PROS1: variants seen among roughly 807,000 people sequenced by gnomAD.
PROS1 encodes the protein vitamin K-dependent protein S.
A neutral mutation model predicts 75.9 loss-of-function variants in PROS1; 29 were observed. The ratio of observed to expected loss-of-function variants is 0.38; its 90% CI spans 0.28 to 0.52. The LOEUF is 0.52. PROS1 is among the 20% of genes least tolerant of loss of function. The pLI, the probability that PROS1 is intolerant of heterozygous loss-of-function variation, is 0.83. For missense variants in PROS1, 680 were observed against 810.3 expected (o/e 0.84, Z 1.95); for synonymous variants, 245 against 280.6 (o/e 0.87, Z 1.27).
At chr3:93,897,933 A>G (rs150029105) in intron 8 of PROS1, among the ~76,000 whole-genome samples, 27 of 152,232 alleles carry the variant, frequency 1.8e-4, no homozygotes, top group Non-Finnish European at 3.4e-4. Flanking sequence ...GAATTATGAT[A>G]TACTTAAACC....
intron 1 of PROS1, among the ~76,000 whole-genome samples, chr3:93,943,117 A>G (rs912058050): frequency 1.3e-5 from 2 of 152,170 alleles, no homozygotes; most frequent in African/African-American, 4.8e-5. Flanking sequence ...AAATCACCCA[A>G]GCAGTTTCTC....
At chr3:93,917,539 C>T (rs1708875263) in intron 3 of PROS1, among the ~76,000 whole-genome samples, 1 of 152,232 alleles carries the variant, frequency 6.6e-6, no homozygotes, top group Non-Finnish European at 1.5e-5. Flanking sequence ...TTCAGCCCAC[C>T]ACTGCACTGT....
rs1709249380 is a variant in PROS1 at position 93,939,620 on chromosome 3, G to A, written c.77-12213C>T. Among the ~76,000 whole-genome samples the A allele has an allele frequency of 2.0e-5, 3 of 152,194 alleles. No individual in the cohort carries two copies. The South Asian group carries it at 6.2e-4, about 32-fold the overall frequency. Reference sequence around the variant, plus strand: ...TCTTAAAGAGGTGGCTGGAGCTAAAGGCATAGTCAAGGTTAATGCTCCTTT... The same window carrying A: ...TCTTAAAGAGGTGGCTGGAGCTAAAAGCATAGTCAAGGTTAATGCTCCTTT... On this transcript the variant is annotated intron_variant, in intron 1 of 14. Coordinates refer to ENST00000394236, the MANE Select transcript of PROS1 (RefSeq NM_000313.4).
At chr3:93,894,076 T>C (rs545278148) in intron 9 of PROS1, among the ~76,000 whole-genome samples, 1 of 152,274 alleles carries the variant, frequency 6.6e-6, no homozygotes, top group South Asian at 2.1e-4. Flanking sequence ...GTATAACTAT[T>C]AGTCACCTAA....
intron 4 of PROS1, among the ~76,000 whole-genome samples, chr3:93,908,937 C>T (rs1312717168): frequency 2.0e-5 from 3 of 152,150 alleles, no homozygotes; most frequent in Non-Finnish European, 4.4e-5. Context: ...TGTTCTGCTT[C>T]CTGTTCTCCA....
At chr3:93,933,987 C>T (rs372681434) in intron 1 of PROS1, among the ~76,000 whole-genome samples, 51 of 134,582 alleles carry the variant, frequency 3.8e-4, no homozygotes, top group South Asian at 5.0e-4. Context: ...CCAGCCTGGG[C>T]GACAGAAAGA....
In PROS1 at chr3:93,900,926, A is replaced by T. The variant is rs1291042167; in HGVS notation, c.605T>A (p.Val202Glu). 12 of 1,613,744 alleles carry T rather than the reference A, an allele frequency of 7.4e-6. No homozygotes were observed. Among genetic ancestry groups the T allele is most frequent in the Non-Finnish European group, 9.3e-6 (11 of 1,179,910 alleles). Residue 202 changes from valine (V) to glutamate (E), a missense_variant, in exon 7 of 15, where the codon GTG becomes GAG. Physicochemically the swap from Val to Glu is moderately radical, Grantham distance 121 (BLOSUM62 -2). Coordinates refer to ENST00000394236, the MANE Select transcript of PROS1 (RefSeq NM_000313.4). ...MLSNKKDCKD[V>E]DECSLKPSIC... ...GCTTGGCTTCAAAGAGCATTCATCCACATCTATAAATAAAATCACTATATT... is the reference window on the plus strand; with the variant it reads ...GCTTGGCTTCAAAGAGCATTCATCCTCATCTATAAATAAAATCACTATATT...
chr3:93,941,333 A>G (rs1709284158), intron 1 of PROS1, among the ~76,000 whole-genome samples: 1 of 151,978 alleles, frequency 6.6e-6, no homozygotes, highest in Admixed American at 6.6e-5. Context: ...TTCTCCATCC[A>G]TTACCTAACT....
At chr3:93,879,343 A>G in intron 12 of PROS1, 29 bp from the exon 13 acceptor site, 2 of 1,610,842 alleles carry the variant, frequency 1.2e-6, no homozygotes, top group Non-Finnish European at 1.7e-6. Context: ...CAGAAGCATG[A>G]TCAATGCACT....
Position 93,912,716 on chromosome 3 carries a change from C to T in PROS1, c.260-2011G>A, listed in dbSNP as rs13097875. On this transcript the variant is annotated intron_variant, in intron 3 of 14. Transcript: ENST00000394236. ...GTCTCATGAAGGCCCTCTTGCTACA[C>T]CATCCCACAGCAGATGGCAAAAGAG... Among the ~76,000 whole-genome samples, 953 of 152,244 alleles carry T rather than the reference C, an allele frequency of 6.3e-3. 4 individuals carry two copies. Among genetic ancestry groups the T allele is most frequent in the Middle Eastern group, 0.017 (5 of 294 alleles).
chr3:93,905,709 T>G (rs540130249), intron 6 of PROS1, 75 bp downstream of exon 6: 2 of 1,528,120 alleles, frequency 1.3e-6, no homozygotes, highest in South Asian at 2.3e-5. Flanking sequence ...TTCCAAAAAT[T>G]TGCTAGTAAA....
chr3:93,967,218 C>T (rs1159486173), intron 1 of PROS1, among the ~76,000 whole-genome samples: 1 of 152,178 alleles, frequency 6.6e-6, no homozygotes, highest in East Asian at 1.9e-4. Context: ...TTGAACATAT[C>T]ACATAGTTCA....
At chr3:93,948,505 G>T (rs1241717914) in intron 1 of PROS1, among the ~76,000 whole-genome samples, 4 of 152,208 alleles carry the variant, frequency 2.6e-5, no homozygotes, top group African/African-American at 9.6e-5. Flanking sequence ...GTTGACAATG[G>T]GGTGTTAAAG....
intron 3 of PROS1, 57 bp from the exon 4 acceptor site, chr3:93,910,762 T>C (rs976075662): frequency 5.0e-6 from 7 of 1,411,466 alleles, no homozygotes; most frequent in South Asian, 4.8e-5. Context: ...TTGATCTGAA[T>C]TCATGGTAGG....
chr3:93,874,313 T>C lies in PROS1; in HGVS notation c.1963A>G (p.Ile655Val), dbSNP rs1488943296. The C allele has an allele frequency of 6.2e-7, 1 of 1,613,498 alleles. No homozygotes were observed. The highest frequency in any genetic ancestry group is 1.1e-5 in the South Asian group (1 of 91,066). The change falls in exon 15 of 15, where the codon ATT becomes GTT. Residue 655 changes from isoleucine to valine, a missense_variant. Transcript: ENST00000394236. ...GCTCTAATATCATTATGTTTAGAAA[T>C]GGCTTCATCCAGATCCAACTGTACA... ...NGVQLDLDEA[I>V]SKHNDIRAHS...
At chr3:93,886,269 C>T in intron 11 of PROS1, 67 bp downstream of exon 11, 1 of 1,399,628 alleles carries the variant, frequency 7.1e-7, no homozygotes, top group Non-Finnish European at 1.0e-6. Context: ...CAGAAACACA[C>T]ATATTCAAAT....
At chr3:93,895,199 G>C (rs1292659722) in intron 9 of PROS1, among the ~76,000 whole-genome samples, 4 of 152,108 alleles carry the variant, frequency 2.6e-5, no homozygotes, top group African/African-American at 4.8e-5. Flanking sequence ...TATTGTCATT[G>C]TGTTTTTTTC....
At position 93,879,269 on chromosome 3, in the gene PROS1, T is replaced by C; in HGVS notation, c.1538A>G (p.Asn513Ser). The change falls in exon 13 of 15, where the codon AAT becomes AGT. Residue 513 changes from asparagine (N) to serine (S), a missense_variant. Asn to Ser is a conservative substitution (Grantham distance 46). Transcript: ENST00000394236. ...ACCAGTGCCCGTGGATGGACGAATATTCAAGGTCACATTTACATGCCAACC... is the reference window on the plus strand; with the variant it reads ...ACCAGTGCCCGTGGATGGACGAATACTCAAGGTCACATTTACATGCCAACC... ...AEGWHVNVTL[N>S]IRPSTGTGVM... 1 of 1,614,052 alleles carries C rather than the reference T, an allele frequency of 6.2e-7. No homozygotes were observed. The highest frequency in any genetic ancestry group is 2.2e-5 in the East Asian group (1 of 44,858).
At chr3:93,876,912 T>C in intron 14 of PROS1, 54 bp downstream of exon 14, 1 of 1,148,400 alleles carries the variant, frequency 8.7e-7, no homozygotes, top group Non-Finnish European at 1.3e-6. Context: ...TTTAAAATAT[T>C]ATCGGTTTGA....
Sources: allele counts gnomAD v4.1 joint callset (sites outside exome capture counted in the v4.1 genomes callset), GRCh38; gene constraint gnomAD v4.1.1; transcripts MANE v1.5; gene names NCBI Gene and HGNC (gene_info 2026-07-23, HGNC 2026-07-21).